The following TIAM1 variants were observed in gnomAD, a reference collection of about 807,000 sequenced individuals.
The protein encoded by TIAM1 is rho guanine nucleotide exchange factor TIAM1.
TIAM1 carries 65 observed loss-of-function variants against 163.5 expected under a neutral mutation model. The ratio of observed to expected loss-of-function variants is 0.40; its 90% CI spans 0.33 to 0.49. TIAM1 has a LOEUF of 0.49. TIAM1 is among the 20% of genes least tolerant of loss of function. The probability of loss-of-function intolerance (pLI) is 0.77; values close to 1 mark genes in which losing one functional copy is unlikely to be tolerated. For missense variants in TIAM1, 1,789 were observed against 2,044.7 expected (o/e 0.87, Z 2.41); for synonymous variants, 833 against 810.1 (o/e 1.03, Z -0.48).
intron 2 of TIAM1, among the ~76,000 whole-genome samples, chr21:31,292,840 T>C (rs2284494): frequency 0.39 from 58,787 of 151,654 alleles, 11,967 homozygotes; most frequent in East Asian, 0.81. Flanking sequence ...GGCTAATTTT[T>C]GTATTTTTAG....
intron 11 of TIAM1, among the ~76,000 whole-genome samples, chr21:31,205,848 C>T (rs2086425407): frequency 6.6e-6 from 1 of 152,014 alleles, no homozygotes; most frequent in South Asian, 2.1e-4. Context: ...CCTGTAGTCC[C>T]TGTAGGCTAC....
intron 2 of TIAM1, among the ~76,000 whole-genome samples, chr21:31,285,268 G>C (rs780881806): frequency 7.9e-5 from 12 of 151,650 alleles, no homozygotes; most frequent in Middle Eastern, 3.4e-3. Flanking sequence ...AAGAGCTTGT[G>C]GGGGGGGCGG....
chr21:31,314,704 C>T (rs1036731996), intron 2 of TIAM1, among the ~76,000 whole-genome samples: 6 of 152,134 alleles, frequency 3.9e-5, no homozygotes, highest in East Asian at 3.9e-4. Flanking sequence ...GCTACCCAGA[C>T]GGAAATTACA....
chr21:31,300,532 G>A (rs1374450014), intron 2 of TIAM1, among the ~76,000 whole-genome samples: 2 of 152,214 alleles, frequency 1.3e-5, no homozygotes, highest in Non-Finnish European at 1.5e-5. Context: ...GGGGCATCCT[G>A]AACCCCTCGT....
intron 19 of TIAM1, among the ~76,000 whole-genome samples, chr21:31,148,004 CAAAAAAAA>C (rs34410316): frequency 6.3e-5 from 4 of 63,792 alleles, no homozygotes; most frequent in East Asian, 1.2e-3. Context: ...TGTCCATGAC[CAAAAAAAA>C]AAAAAAAAAA....
At chr21:31,328,919 T>TA (rs1328068516) in intron 2 of TIAM1, among the ~76,000 whole-genome samples, 1 of 152,188 alleles carries the variant, frequency 6.6e-6, no homozygotes, top group Non-Finnish European at 1.5e-5. Context: ...GTGCTGGAAT[T>TA]ACAGGTGTGA....
intron 2 of TIAM1, among the ~76,000 whole-genome samples, chr21:31,421,315 A>G (rs375939513): frequency 9.2e-5 from 14 of 152,244 alleles, no homozygotes; most frequent in African/African-American, 3.4e-4. Flanking sequence ...GCTAGGAGCC[A>G]CCAGAAGAAG....
intron 4 of TIAM1, among the ~76,000 whole-genome samples, chr21:31,264,582 C>G (rs146944557): frequency 1.0e-3 from 158 of 152,280 alleles, no homozygotes; most frequent in African/African-American, 3.6e-3. Flanking sequence ...GACGTGGAGC[C>G]AAAATATCCG....
chr21:31,328,087 CT>C (rs1390884981), intron 2 of TIAM1, among the ~76,000 whole-genome samples: 1 of 152,100 alleles, frequency 6.6e-6, no homozygotes, highest in African/African-American at 2.4e-5. Context: ...CAGCACAGGG[CT>C]CGCTTCCTCA....
chr21:31,448,849 G>A (rs1353030207), intron 2 of TIAM1, among the ~76,000 whole-genome samples: 3 of 152,144 alleles, frequency 2.0e-5, no homozygotes, highest in African/African-American at 4.8e-5. Flanking sequence ...TCTGCCAAGT[G>A]GAGATCCCTG....
At chr21:31,550,876 A>G (rs1397125636) in intron 1 of TIAM1, among the ~76,000 whole-genome samples, 2 of 152,176 alleles carry the variant, frequency 1.3e-5, no homozygotes, top group Non-Finnish European at 2.9e-5. Flanking sequence ...ACTAAATTAA[A>G]GGTCTATGTC....
chr21:31,378,072 G>A (rs1351135467), intron 2 of TIAM1, among the ~76,000 whole-genome samples: 1 of 147,788 alleles, frequency 6.8e-6, no homozygotes, highest in Admixed American at 6.8e-5. Flanking sequence ...GGAGGTGGAG[G>A]TTGCAGTGAG....
intron 2 of TIAM1, among the ~76,000 whole-genome samples, chr21:31,384,471 A>T (rs561330756): frequency 6.6e-6 from 1 of 152,020 alleles, no homozygotes; most frequent in African/African-American, 2.4e-5. Context: ...GCTACTCAGT[A>T]GGCTGAGGTG....
Position 31,516,065 on chromosome 21 carries a change from G to A in TIAM1, c.-422+42862C>T, listed in dbSNP as rs138470133. Among the ~76,000 whole-genome samples the A allele has an allele frequency of 6.9e-3, 1,016 of 146,550 alleles. 8 individuals are homozygous for A. The highest frequency in any genetic ancestry group is 0.016 in the South Asian group (74 of 4,628). On this transcript the variant is annotated intron_variant, in intron 1 of 28. Transcript: ENST00000286827. ...GGAGGTTGCAGTGAGCCAAGAAGGC[G>A]TCACCACACTCCGGCATGGGAGATA...
intron 2 of TIAM1, among the ~76,000 whole-genome samples, chr21:31,381,465 C>T (rs557867916): frequency 6.6e-5 from 10 of 152,124 alleles, no homozygotes; most frequent in African/African-American, 1.7e-4. Flanking sequence ...GCCAGGAGTT[C>T]GGGACCAGCC....
intron 2 of TIAM1, among the ~76,000 whole-genome samples, chr21:31,284,838 T>G (rs1017863226): frequency 1.3e-5 from 2 of 152,084 alleles, no homozygotes; most frequent in Admixed American, 6.6e-5. Context: ...AAGTTCAGCC[T>G]TGAGCCAGCC....
intron 1 of TIAM1, among the ~76,000 whole-genome samples, chr21:31,529,932 T>C (rs1479002204): frequency 6.6e-6 from 1 of 152,292 alleles, no homozygotes; most frequent in South Asian, 2.1e-4. Context: ...CATTACAGCA[T>C]TCTCTTGTTG....
At chr21:31,340,514 C>T (rs757891679) in intron 1 of TIAM1, among the ~76,000 whole-genome samples, 3 of 152,136 alleles carry the variant, frequency 2.0e-5, no homozygotes, top group Non-Finnish European at 2.9e-5. Context: ...TCTATCTTCA[C>T]GTTTAATTCT....
intron 1 of TIAM1, among the ~76,000 whole-genome samples, chr21:31,342,832 T>A (rs187129785): frequency 9.9e-4 from 151 of 152,304 alleles, no homozygotes; most frequent in African/African-American, 3.4e-3. Flanking sequence ...TTCCTCTCCA[T>A]CTGTATCTTT....
Sources: gnomAD v4.1 joint callset for allele counts (sites outside exome capture counted in the v4.1 genomes callset) on GRCh38, gnomAD v4.1.1 for gene constraint, MANE v1.5 for transcripts, NCBI Gene and HGNC (gene_info 2026-07-23, HGNC 2026-07-21) for gene names.